The following SUPT3H variants were observed in gnomAD, a reference collection of about 807,000 sequenced individuals.
The protein encoded by SUPT3H is SPT3 homolog, SAGA and STAGA complex component.
In SUPT3H, 44 loss-of-function variants were observed where a neutral mutation model predicts 44.3. The observed-to-expected ratio is 0.99, with a 90% CI of 0.78 to 1.28. SUPT3H has a LOEUF of 1.28. SUPT3H is among the 50% of genes most tolerant of loss of function. The pLI, the probability that SUPT3H is intolerant of heterozygous loss-of-function variation, is 0.00. For synonymous variants in SUPT3H, 124 were observed against 125.6 expected, an observed-to-expected ratio of 0.99 and a Z score of 0.09; for missense variants, 380 against 387.1, an observed-to-expected ratio of 0.98 and a Z score of 0.15.
intron 2 of SUPT3H, among the ~76,000 whole-genome samples, chr6:45,120,428 A>AG (rs1387382396): frequency 6.8e-6 from 1 of 147,250 alleles, no homozygotes; most frequent in Non-Finnish European, 1.5e-5. Flanking sequence ...AAAAAAAAAA[A>AG]AAAAAAAAAA....
At chr6:45,191,730 A>G (rs1442959286) in intron 2 of SUPT3H, among the ~76,000 whole-genome samples, 1 of 152,066 alleles carries the variant, frequency 6.6e-6, no homozygotes, top group Non-Finnish European at 1.5e-5. Flanking sequence ...AAGAGAGAAA[A>G]AGTTAGCTAC....
intron 2 of SUPT3H, among the ~76,000 whole-genome samples, chr6:45,316,466 T>C (rs1008515380): frequency 4.0e-5 from 6 of 150,074 alleles, no homozygotes; most frequent in Admixed American, 2.0e-4. Flanking sequence ...AAAGAAATAA[T>C]AGGCATCCAA....
intron 10 of SUPT3H, among the ~76,000 whole-genome samples, chr6:44,883,313 T>G: frequency 6.6e-6 from 1 of 152,088 alleles, no homozygotes; most frequent in East Asian, 1.9e-4. Flanking sequence ...GAATACAACT[T>G]ACAAGGGATG....
intron 2 of SUPT3H, among the ~76,000 whole-genome samples, chr6:45,270,444 A>G (rs1775933697): frequency 2.0e-5 from 3 of 152,106 alleles, no homozygotes; most frequent in South Asian, 2.1e-4. Context: ...GCGGTAGTAC[A>G]TAAGTCTCAC....
chr6:45,212,307 AG>A (rs1258442918), intron 2 of SUPT3H, among the ~76,000 whole-genome samples: 2 of 152,208 alleles, frequency 1.3e-5, no homozygotes, highest in Non-Finnish European at 2.9e-5. Flanking sequence ...TATAACTTTT[AG>A]GGTTGGAATT....
At chr6:45,146,651 A>G (rs1393828262) in intron 2 of SUPT3H, among the ~76,000 whole-genome samples, 1 of 152,172 alleles carries the variant, frequency 6.6e-6, no homozygotes, top group East Asian at 1.9e-4. Flanking sequence ...TAATACATGT[A>G]GCAACAATAT....
chr6:44,839,960 A>G (rs756262921), intron 10 of SUPT3H, among the ~76,000 whole-genome samples: 1 of 152,218 alleles, frequency 6.6e-6, no homozygotes, highest in Non-Finnish European at 1.5e-5. Context: ...TTGGCCTCCC[A>G]AAGTGCTGGG....
chr6:44,825,340 T>C (rs1213271327), downstream of SUPT3H, among the ~76,000 whole-genome samples: 1 of 152,240 alleles, frequency 6.6e-6, no homozygotes, highest in African/African-American at 2.4e-5. Context: ...GTTAAAATTT[T>C]CTTGCAATCA....
At chr6:44,885,430 C>A (rs922293011) in intron 10 of SUPT3H, among the ~76,000 whole-genome samples, 1 of 152,072 alleles carries the variant, frequency 6.6e-6, no homozygotes, top group Non-Finnish European at 1.5e-5. Context: ...TCCAGAGGAA[C>A]GATCAGACAG....
At chr6:44,840,328 G>A (rs905729391) in intron 10 of SUPT3H, among the ~76,000 whole-genome samples, 6 of 152,176 alleles carry the variant, frequency 3.9e-5, no homozygotes, top group Non-Finnish European at 8.8e-5. Flanking sequence ...ATTGGTGGTG[G>A]GAGTGACTGG....
chr6:45,140,978 C>T (rs1478425183), intron 2 of SUPT3H, among the ~76,000 whole-genome samples: 2 of 152,122 alleles, frequency 1.3e-5, no homozygotes, highest in Non-Finnish European at 2.9e-5. Flanking sequence ...AAACAGCATT[C>T]TATAAGATCA....
At chr6:45,371,021 C>T (rs1316488817) in intron 1 of SUPT3H, among the ~76,000 whole-genome samples, 1 of 152,160 alleles carries the variant, frequency 6.6e-6, no homozygotes, top group Non-Finnish European at 1.5e-5. Flanking sequence ...ACTTACTTTT[C>T]CAACATTAAA....
chr6:45,158,271 TATAC>T (rs869263592), intron 2 of SUPT3H, among the ~76,000 whole-genome samples: 2 of 70,248 alleles, frequency 2.8e-5, no homozygotes, highest in Non-Finnish European at 5.4e-5. Flanking sequence ...TATATATAAA[TATAC>T]ATATATATAT....
chr6:44,829,615 A>C lies in SUPT3H; in HGVS notation c.*201T>G. 1.8e-6 allele frequency: 1 copy of C among 570,820 alleles called. No individual in the cohort carries two copies. Among genetic ancestry groups the C allele is most frequent in the Admixed American group, 3.2e-5 (1 of 30,970 alleles). The allele number at this position is 570,820 out of a possible 1,614,324, so 35.4% of individuals were successfully genotyped here. A position where few individuals can be genotyped will look rare whatever the true frequency, so the allele number is the denominator to read the frequency against. On this transcript the variant is annotated 3_prime_UTR_variant, in exon 11 of 11. Transcript: ENST00000371459. Reference sequence around the variant, plus strand: ...TATCCTAAACATCCTGCCATTAATTAGCTGAACAGCCCATCTAGTAAACAA... The same window carrying C: ...TATCCTAAACATCCTGCCATTAATTCGCTGAACAGCCCATCTAGTAAACAA...
chr6:45,143,844 T>C (rs1363786939), intron 2 of SUPT3H, among the ~76,000 whole-genome samples: 3 of 152,000 alleles, frequency 2.0e-5, no homozygotes, highest in Admixed American at 2.0e-4. Context: ...ATAAGCTCAA[T>C]TAGAAACAAA....
At chr6:44,920,117 A>G (rs185065035) in intron 10 of SUPT3H, among the ~76,000 whole-genome samples, 272 of 152,212 alleles carry the variant, frequency 1.8e-3, no homozygotes, top group African/African-American at 6.4e-3. Flanking sequence ...TGACCTCGTT[A>G]TCCACCCACC....
At chr6:45,024,657 T>G (rs1562286764) in intron 3 of SUPT3H, among the ~76,000 whole-genome samples, 1 of 152,218 alleles carries the variant, frequency 6.6e-6, no homozygotes, top group South Asian at 2.1e-4. Context: ...TAATTTTGTG[T>G]GTCAATTTGA....
At chr6:44,964,118 C>CTA (rs200883002) in intron 6 of SUPT3H, among the ~76,000 whole-genome samples, 2,220 of 152,236 alleles carry the variant, frequency 0.015, 25 homozygotes, top group South Asian at 0.029. Context: ...CTGTGTCTCA[C>CTA]TATAGCAGGA....
intron 2 of SUPT3H, among the ~76,000 whole-genome samples, chr6:45,150,326 G>A (rs1806721804): frequency 6.6e-6 from 1 of 151,950 alleles, no homozygotes; most frequent in African/African-American, 2.4e-5. Flanking sequence ...TTTTTGTCAA[G>A]TCTTAACTGA....
Sources: gnomAD v4.1 joint callset for allele counts (sites outside exome capture counted in the v4.1 genomes callset) on GRCh38, gnomAD v4.1.1 for gene constraint, MANE v1.5 for transcripts, NCBI Gene and HGNC (gene_info 2026-07-23, HGNC 2026-07-21) for gene names.